BCKDHB: variants seen among roughly 807,000 people sequenced by gnomAD.
BCKDHB encodes the protein 2-oxoisovalerate dehydrogenase subunit beta, mitochondrial.
BCKDHB carries 41 observed loss-of-function variants against 48.5 expected under a neutral mutation model. That is an observed-to-expected ratio of 0.85 (90% confidence interval 0.66 to 1.10). The LOEUF (loss-of-function observed/expected upper bound fraction) is 1.10. Among genes scored for constraint, BCKDHB ranks in the 50% least tolerant of loss-of-function variants. BCKDHB has a pLI of 0.00. For synonymous variants in BCKDHB, 201 were observed against 174.8 expected (o/e 1.15, Z -1.18); for missense variants, 496 against 494.2 (o/e 1.00, Z -0.03).
At chr6:80,123,261 C>T (rs1770142314) in intron 1 of BCKDHB, among the ~76,000 whole-genome samples, 3 of 152,186 alleles carry the variant, frequency 2.0e-5, no homozygotes, top group Non-Finnish European at 4.4e-5. Context: ...ACACAATTAT[C>T]ACAGTGGTCC....
At chr6:80,203,271 T>A in intron 8 of BCKDHB, 59 bp downstream of exon 8, 1 of 1,162,268 alleles carries the variant, frequency 8.6e-7, no homozygotes, top group Non-Finnish European at 1.3e-6. Context: ...AAATATGTTG[T>A]ATATTTGCAA....
the BCKDHB span, among the ~76,000 whole-genome samples, chr6:80,372,285 C>A: frequency 5.3e-5 from 8 of 151,970 alleles, no homozygotes; most frequent in Non-Finnish European, 1.2e-4. Flanking sequence ...TGGTGTATAG[C>A]AGAGCTATTG....
chr6:80,402,561 G>A, the BCKDHB span, among the ~76,000 whole-genome samples: 2 of 151,850 alleles, frequency 1.3e-5, no homozygotes. Flanking sequence ...TCTGTAGGTT[G>A]TCTCTTCACT....
chr6:80,308,634 G>A (rs1311266305), intron 9 of BCKDHB, among the ~76,000 whole-genome samples: 4 of 141,484 alleles, frequency 2.8e-5, no homozygotes, highest in Admixed American at 7.5e-5. Context: ...TCGCTCTGTC[G>A]CCCAGGCTGG....
chr6:80,224,233 G>A (rs556981630), intron 8 of BCKDHB, among the ~76,000 whole-genome samples: 1 of 152,050 alleles, frequency 6.6e-6, no homozygotes, highest in East Asian at 1.9e-4. Flanking sequence ...CTTCCCAATG[G>A]CCCAGAAGGC....
the BCKDHB span, among the ~76,000 whole-genome samples, chr6:80,464,538 T>C: frequency 1.3e-5 from 2 of 152,216 alleles, no homozygotes; most frequent in African/African-American, 2.4e-5. Context: ...TCAATTGCCT[T>C]ATCTGAAAAG....
chr6:80,178,171 C>T (rs751500323), intron 6 of BCKDHB, among the ~76,000 whole-genome samples: 5 of 152,300 alleles, frequency 3.3e-5, no homozygotes, highest in Non-Finnish European at 7.3e-5. Context: ...GTATTTTCTA[C>T]GTGGAGTCAG....
intron 9 of BCKDHB, among the ~76,000 whole-genome samples, chr6:80,302,104 C>T (rs900066816): frequency 1.3e-5 from 2 of 152,118 alleles, no homozygotes; most frequent in African/African-American, 4.8e-5. Context: ...CAAGGATACC[C>T]ACTCTCACCA....
chr6:80,267,503 G>T (rs894396414), intron 8 of BCKDHB, among the ~76,000 whole-genome samples: 1 of 151,978 alleles, frequency 6.6e-6, no homozygotes, highest in African/African-American at 2.4e-5. Context: ...CTTGAGGGAG[G>T]GATAGAATGT....
intron 6 of BCKDHB, among the ~76,000 whole-genome samples, chr6:80,193,736 A>AG (rs1219576640): frequency 4.0e-5 from 6 of 151,774 alleles, no homozygotes; most frequent in African/African-American, 1.5e-4. Context: ...AAAAAAAAAA[A>AG]AAGTCTCCTG....
At chr6:80,145,536 A>G (rs761133612) in intron 3 of BCKDHB, among the ~76,000 whole-genome samples, 56 of 152,188 alleles carry the variant, frequency 3.7e-4, no homozygotes, top group Non-Finnish European at 7.3e-4. Flanking sequence ...AGCTGCTCTT[A>G]TAGATATTTT....
At chr6:80,302,173 T>G (rs1051086442) in intron 9 of BCKDHB, among the ~76,000 whole-genome samples, 3 of 151,984 alleles carry the variant, frequency 2.0e-5, no homozygotes, top group African/African-American at 7.2e-5. Flanking sequence ...GAGAAAGAAA[T>G]AAAAGGCATT....
At chr6:80,370,537 T>TA in the BCKDHB span, among the ~76,000 whole-genome samples, 23 of 152,256 alleles carry the variant, frequency 1.5e-4, no homozygotes, top group East Asian at 4.2e-3. Context: ...TGTAGTCTTT[T>TA]ATCCCTCACC....
intron 3 of BCKDHB, among the ~76,000 whole-genome samples, chr6:80,153,135 G>A (rs1582243849): frequency 6.7e-6 from 1 of 148,682 alleles, no homozygotes; most frequent in Non-Finnish European, 1.5e-5. Flanking sequence ...CACTCTTGGG[G>A]TCTCTTTTTT....
intron 8 of BCKDHB, among the ~76,000 whole-genome samples, chr6:80,245,943 G>T (rs1776592796): frequency 6.6e-6 from 1 of 152,088 alleles, no homozygotes; most frequent in African/African-American, 2.4e-5. Flanking sequence ...CAAACATGGT[G>T]GTATGTGCCT....
At chr6:80,327,224 A>G (rs902305301) in intron 9 of BCKDHB, among the ~76,000 whole-genome samples, 1 of 152,210 alleles carries the variant, frequency 6.6e-6, no homozygotes, top group African/African-American at 2.4e-5. Context: ...TTAGCCTTGT[A>G]TGCTTTAAGT....
At chr6:80,301,109 T>TTTA (rs1767556816) in intron 9 of BCKDHB, among the ~76,000 whole-genome samples, 2 of 142,426 alleles carry the variant, frequency 1.4e-5, no homozygotes, top group African/African-American at 5.2e-5. Flanking sequence ...ATTAACAATC[T>TTTA]AACTTTTCAC....
rs114886205 is a variant in BCKDHB at position 80,332,196 on chromosome 6, T to A, written c.1039-11468T>A. On this transcript the variant is annotated intron_variant, in intron 9 of 9. Transcript: ENST00000320393. Reference sequence around the variant, plus strand: ...TACACCTCTCATGAGAGCCCACAGCTCTTTAATAAACACCCCAGTGCCAGC... The same window carrying A: ...TACACCTCTCATGAGAGCCCACAGCACTTTAATAAACACCCCAGTGCCAGC... Among the ~76,000 whole-genome samples the A allele has an allele frequency of 8.2e-3, 1,243 of 152,154 alleles. 20 individuals carry two copies. The highest frequency in any genetic ancestry group is 0.028 in the African/African-American group (1,173 of 41,494).
At chr6:80,411,670 G>T in the BCKDHB span, among the ~76,000 whole-genome samples, 1 of 152,200 alleles carries the variant, frequency 6.6e-6, no homozygotes, top group African/African-American at 2.4e-5. Context: ...TCTCAGAAAT[G>T]GTGGACGCCC....
Sources: gnomAD v4.1 joint callset for allele counts (sites outside exome capture counted in the v4.1 genomes callset) on GRCh38, gnomAD v4.1.1 for gene constraint, MANE v1.5 for transcripts, NCBI Gene and HGNC (gene_info 2026-07-23, HGNC 2026-07-21) for gene names.